Variants in ZRANB3 observed in about 807,000 individuals in gnomAD.
ZRANB3 encodes DNA annealing helicase and endonuclease ZRANB3.
In ZRANB3, 125 loss-of-function variants were observed where a neutral mutation model predicts 133.8. The observed-to-expected ratio is 0.93, with a 90% CI of 0.81 to 1.08. The LOEUF is 1.08. Among genes scored for constraint, ZRANB3 ranks in the 50% least tolerant of loss-of-function variants. The pLI, the probability that ZRANB3 is intolerant of heterozygous loss-of-function variation, is 0.00. For synonymous variants in ZRANB3, 387 were observed against 432.7 expected (o/e 0.89, Z 1.31); for missense variants, 1,229 against 1,275.5 (o/e 0.96, Z 0.56).
chr2:135,501,829 C>T (rs746907582), intron 2 of ZRANB3, among the ~76,000 whole-genome samples: 20 of 152,116 alleles, frequency 1.3e-4, no homozygotes, highest in Admixed American at 9.8e-4. Flanking sequence ...GGTAATGTTA[C>T]GTCTCTCCCG....
At chr2:135,331,047 T>C (rs1487072773) in intron 6 of ZRANB3, among the ~76,000 whole-genome samples, 1 of 152,212 alleles carries the variant, frequency 6.6e-6, no homozygotes, top group Admixed American at 6.5e-5. Context: ...TTTTTGTGTC[T>C]CTATCTCCTT....
intron 11 of ZRANB3, among the ~76,000 whole-genome samples, chr2:135,267,015 C>A (rs556811824): frequency 7.2e-5 from 11 of 152,180 alleles, no homozygotes; most frequent in Non-Finnish European, 1.5e-4. Flanking sequence ...GTAGCCCAAC[C>A]ATCTAAGGCA....
intron 2 of ZRANB3, among the ~76,000 whole-genome samples, chr2:135,395,342 C>A (rs1687440482): frequency 6.6e-6 from 1 of 151,520 alleles, no homozygotes; most frequent in Non-Finnish European, 1.5e-5. Flanking sequence ...AAAATCAAAT[C>A]AAAATGGATT....
At chr2:135,343,002 T>TA (rs1362080529) in intron 6 of ZRANB3, among the ~76,000 whole-genome samples, 3 of 25,210 alleles carry the variant, frequency 1.2e-4, no homozygotes, top group African/African-American at 5.5e-4. Context: ...CTGTCTCTAC[T>TA]AAAAATCCAA....
chr2:135,370,324 C>G (rs1442260582), intron 3 of ZRANB3, among the ~76,000 whole-genome samples: 1 of 151,962 alleles, frequency 6.6e-6, no homozygotes, highest in Non-Finnish European at 1.5e-5. Context: ...TTATCCTTCA[C>G]CCGCTTCCCA....
intron 16 of ZRANB3, among the ~76,000 whole-genome samples, chr2:135,218,754 A>G (rs1259172775): frequency 6.6e-6 from 1 of 152,212 alleles, no homozygotes; most frequent in African/African-American, 2.4e-5. Context: ...CTTAACCTTA[A>G]TAGAAAAAAT....
At chr2:135,220,606 G>A (rs1377098436) in intron 15 of ZRANB3, among the ~76,000 whole-genome samples, 1 of 149,154 alleles carries the variant, frequency 6.7e-6, no homozygotes. Flanking sequence ...GCTGAGGCAG[G>A]AGAATCGCTT....
chr2:135,396,681 G>C (rs1476486536), intron 2 of ZRANB3, among the ~76,000 whole-genome samples: 1 of 151,964 alleles, frequency 6.6e-6, no homozygotes, highest in Non-Finnish European at 1.5e-5. Flanking sequence ...GTAGTGGTGG[G>C]GTAGGGGGAA....
At chr2:135,346,519 TATCC>T (rs1398127967) in intron 5 of ZRANB3, among the ~76,000 whole-genome samples, 1 of 152,092 alleles carries the variant, frequency 6.6e-6, no homozygotes, top group Non-Finnish European at 1.5e-5. Flanking sequence ...ATCATCTATC[TATCC>T]ATCCATCCAT....
At position 135,350,218 on chromosome 2, in the gene ZRANB3, A is replaced by G. The variant is rs142811413; in HGVS notation, c.360-3T>C. ...TCACTTTACTGGTCGACATTCTCCT[A>G]GAAAAGAAAATCCATGTACTTAAAA... On this transcript the variant is annotated splice_polypyrimidine_tract_variant and splice_region_variant and intron_variant, in intron 4 of 20. Transcript: ENST00000264159. 1 of 1,567,512 alleles carries G rather than the reference A, an allele frequency of 6.4e-7. No individual in the cohort carries two copies. Among genetic ancestry groups the G allele is most frequent in the African/African-American group, 1.3e-5 (1 of 74,206 alleles).
At chr2:135,456,106 C>T (rs1391980873) in intron 2 of ZRANB3, among the ~76,000 whole-genome samples, 1 of 152,134 alleles carries the variant, frequency 6.6e-6, no homozygotes, top group Non-Finnish European at 1.5e-5. Context: ...GTGAGAATTA[C>T]ATTCAGCTGG....
At chr2:135,352,407 A>C (rs1685250377) in intron 4 of ZRANB3, among the ~76,000 whole-genome samples, 1 of 151,844 alleles carries the variant, frequency 6.6e-6, no homozygotes, top group African/African-American at 2.4e-5. Flanking sequence ...GGAGGCCTTA[A>C]AAAATTCTAC....
rs1448357418 is a variant in ZRANB3 at position 135,306,678 on chromosome 2, T to G, written c.966+6811A>C. 4.0e-5 allele frequency among the ~76,000 whole-genome samples: 6 copies of G among 151,594 alleles called. No homozygotes were observed. The East Asian group carries it at 7.8e-4, about 20-fold the overall frequency. On this transcript the variant is annotated intron_variant, in intron 8 of 20. Coordinates refer to ENST00000264159, the MANE Select transcript of ZRANB3 (RefSeq NM_032143.4). ...ATCTTGGCTCACTGCAACATCCGATTCCTGGGTTCAAGCAATTCTCCTGCC... is the reference window on the plus strand; with the variant it reads ...ATCTTGGCTCACTGCAACATCCGATGCCTGGGTTCAAGCAATTCTCCTGCC...
chr2:135,408,615 C>G (rs925478008), intron 2 of ZRANB3, among the ~76,000 whole-genome samples: 2 of 152,160 alleles, frequency 1.3e-5, no homozygotes, highest in South Asian at 4.1e-4. Flanking sequence ...GAAAATGCGG[C>G]ACATATACAC....
intron 2 of ZRANB3, among the ~76,000 whole-genome samples, chr2:135,402,295 CTTTTTT>C (rs374450905): frequency 7.5e-6 from 1 of 133,868 alleles, no homozygotes; most frequent in Non-Finnish European, 1.6e-5. Context: ...TTCTTTCTCT[CTTTTTT>C]TTTTTTTTTT....
chr2:135,232,103 C>T (rs1695050632), intron 12 of ZRANB3, among the ~76,000 whole-genome samples: 1 of 152,182 alleles, frequency 6.6e-6, no homozygotes, highest in Non-Finnish European at 1.5e-5. Context: ...TAATACTGCG[C>T]TTTTCCAACG....
intron 12 of ZRANB3, among the ~76,000 whole-genome samples, chr2:135,261,761 G>T (rs994240670): frequency 2.6e-5 from 4 of 152,088 alleles, no homozygotes; most frequent in African/African-American, 9.7e-5. Flanking sequence ...GGAAATTTTA[G>T]AGAAAGAACA....
intron 2 of ZRANB3, among the ~76,000 whole-genome samples, chr2:135,484,933 G>T (rs1692022717): frequency 1.3e-5 from 2 of 151,874 alleles, no homozygotes; most frequent in South Asian, 4.1e-4. Flanking sequence ...CTACTCGGGA[G>T]GTAGAGGTGG....
At chr2:135,482,576 A>C (rs966779679) in intron 2 of ZRANB3, among the ~76,000 whole-genome samples, 3 of 151,836 alleles carry the variant, frequency 2.0e-5, no homozygotes, top group African/African-American at 7.3e-5. Flanking sequence ...GGACAATTTG[A>C]CTTCCTCTTT....
Sources: gnomAD v4.1 joint callset for allele counts (sites outside exome capture counted in the v4.1 genomes callset) on GRCh38, gnomAD v4.1.1 for gene constraint, MANE v1.5 for transcripts, NCBI Gene and HGNC (gene_info 2026-07-23, HGNC 2026-07-21) for gene names.